HECW2: variants seen among roughly 807,000 people sequenced by gnomAD.
HECW2 encodes the protein HECT, C2 and WW domain containing E3 ubiquitin protein ligase 2, also known as E3 ubiquitin-protein ligase HECW2.
HECW2 carries 61 observed loss-of-function variants against 175.2 expected under a neutral mutation model. That is an observed-to-expected ratio of 0.35 (90% CI 0.28 to 0.43). HECW2 has a LOEUF of 0.43. Ranked by LOEUF, HECW2 falls within the 20% of genes least tolerant of loss-of-function variation. HECW2 has a pLI of 1.00. For synonymous variants in HECW2, 671 were observed against 731.0 expected (o/e 0.92, Z 1.32); for missense variants, 1,524 against 2,000.5 (o/e 0.76, Z 4.54).
intron 1 of HECW2, among the ~76,000 whole-genome samples, chr2:196,562,406 A>G (rs1690033240): frequency 6.6e-6 from 1 of 151,620 alleles, no homozygotes; most frequent in African/African-American, 2.4e-5. Context: ...TTAAAATTTA[A>G]TGATATTCTC....
At chr2:196,550,720 T>C (rs1347870276) in intron 1 of HECW2, among the ~76,000 whole-genome samples, 1 of 152,168 alleles carries the variant, frequency 6.6e-6, no homozygotes, top group Non-Finnish European at 1.5e-5. Context: ...CTTGTGGCAA[T>C]AAATTTTTCC....
At chr2:196,499,372 C>T (rs1687503679) in intron 1 of HECW2, among the ~76,000 whole-genome samples, 1 of 151,400 alleles carries the variant, frequency 6.6e-6, no homozygotes, top group African/African-American at 2.4e-5. Flanking sequence ...TTCTACTGGA[C>T]CTCTGCCAGC....
intron 28 of HECW2, among the ~76,000 whole-genome samples, chr2:196,205,868 T>C (rs1575217375): frequency 6.6e-6 from 1 of 152,222 alleles, no homozygotes; most frequent in Non-Finnish European, 1.5e-5. Flanking sequence ...CAGTGTTTTA[T>C]GTGCTTGCAG....
chr2:196,546,715 G>A (rs1439762401), intron 1 of HECW2, among the ~76,000 whole-genome samples: 1 of 151,932 alleles, frequency 6.6e-6, no homozygotes, highest in Non-Finnish European at 1.5e-5. Context: ...AACCGCATAG[G>A]TGATAAACTG....
At chr2:196,448,826 G>A (rs1696263216) in intron 1 of HECW2, among the ~76,000 whole-genome samples, 2 of 152,182 alleles carry the variant, frequency 1.3e-5, no homozygotes, top group Non-Finnish European at 2.9e-5. Context: ...TAATTAAAGA[G>A]GCCTGAAGGA....
At chr2:196,573,241 T>C (rs2125517109) in intron 1 of HECW2, among the ~76,000 whole-genome samples, 1 of 135,026 alleles carries the variant, frequency 7.4e-6, no homozygotes, top group East Asian at 2.1e-4. Flanking sequence ...GCAATAAGAA[T>C]GCTGACCAAA....
intron 4 of HECW2, among the ~76,000 whole-genome samples, 199 bp downstream of exon 4, chr2:196,334,225 C>A (rs2105802868): frequency 6.6e-6 from 1 of 152,304 alleles, no homozygotes; most frequent in East Asian, 1.9e-4. Context: ...CAAATCAAAT[C>A]CTATGTTTCC....
At position 196,394,091 on chromosome 2, in the gene HECW2, G is replaced by A. The variant is rs1253190037; in HGVS notation, c.292+39041C>T. Among the ~76,000 whole-genome samples the A allele has an allele frequency of 2.0e-5, 3 of 149,644 alleles. No individual in the cohort carries two copies. The Admixed American group carries it at 2.0e-4, about 10-fold the overall frequency. ...ATGTTCTCACTCATAGGTGGGAACT[G>A]AACAATGAGAACACTTGGACACAGG... is the stretch of plus-strand genomic sequence containing the variant. On this transcript the variant is annotated intron_variant, in intron 2 of 28. Transcript: ENST00000644978.
At chr2:196,543,150 A>C (rs989067530) in intron 1 of HECW2, among the ~76,000 whole-genome samples, 2 of 151,088 alleles carry the variant, frequency 1.3e-5, no homozygotes, top group Non-Finnish European at 2.9e-5. Context: ...TCCAGATTCT[A>C]TGTAGTAATC....
At chr2:196,206,769 C>T (rs1260546044) in intron 28 of HECW2, among the ~76,000 whole-genome samples, 7 of 152,158 alleles carry the variant, frequency 4.6e-5, no homozygotes, top group African/African-American at 1.7e-4. Context: ...CTTCCTTTGG[C>T]TCTGCTTGCC....
At chr2:196,222,525 G>T (rs944103944) in intron 23 of HECW2, among the ~76,000 whole-genome samples, 185 bp from the exon 24 acceptor site, 2 of 152,280 alleles carry the variant, frequency 1.3e-5, no homozygotes, top group East Asian at 1.9e-4. Context: ...TCAGAAATTT[G>T]TTATAAAATT....
At chr2:196,547,264 T>C (rs1689456373) in intron 1 of HECW2, among the ~76,000 whole-genome samples, 1 of 152,206 alleles carries the variant, frequency 6.6e-6, no homozygotes, top group Non-Finnish European at 1.5e-5. Context: ...ACCTAGCATG[T>C]TCAGAAGGCT....
At chr2:196,513,027 T>C (rs1055418999) in intron 1 of HECW2, among the ~76,000 whole-genome samples, 4 of 152,138 alleles carry the variant, frequency 2.6e-5, no homozygotes, top group African/African-American at 9.7e-5. Flanking sequence ...GCACAAGACT[T>C]CAGACCAAGA....
At chr2:196,501,810 G>A (rs1444854993) in intron 1 of HECW2, among the ~76,000 whole-genome samples, 1 of 152,098 alleles carries the variant, frequency 6.6e-6, no homozygotes, top group Non-Finnish European at 1.5e-5. Context: ...AAACATGAAT[G>A]GTTATACTTC....
At chr2:196,340,559 G>A (rs1247430057) in intron 3 of HECW2, among the ~76,000 whole-genome samples, 4 of 128,988 alleles carry the variant, frequency 3.1e-5, no homozygotes, top group Non-Finnish European at 4.6e-5. Flanking sequence ...ACACGCCACT[G>A]CAGTCCAGCC....
At chr2:196,216,670 T>C (rs1687486556) in intron 27 of HECW2, among the ~76,000 whole-genome samples, 2 of 152,184 alleles carry the variant, frequency 1.3e-5, no homozygotes, top group Admixed American at 1.3e-4. Context: ...AAATCATTTC[T>C]TTCTGCTGCT....
At chr2:196,300,649 G>A (rs1691009273) in intron 13 of HECW2, among the ~76,000 whole-genome samples, 1 of 152,094 alleles carries the variant, frequency 6.6e-6, no homozygotes, top group African/African-American at 2.4e-5. Context: ...TTATAAGTCA[G>A]GAAGTGTGAT....
intron 21 of HECW2, among the ~76,000 whole-genome samples, chr2:196,233,473 T>C (rs1313811068): frequency 6.6e-6 from 1 of 152,218 alleles, no homozygotes; most frequent in Non-Finnish European, 1.5e-5. Context: ...GAAAGCAGAC[T>C]ATAAAATGAA....
In HECW2 at chr2:196,222,210, C is replaced by T; in HGVS notation, c.4146+1G>A. ...GGCGCCAGGTGTGCAGATACACACA[C>T]CTGCCCAAATACTTCTTCGTTCACA... On this transcript the variant is annotated splice_donor_variant, in intron 24 of 28. Transcript: ENST00000644978. LOFTEE classifies it high-confidence loss of function. The T allele has an allele frequency of 6.2e-7, 1 of 1,612,954 alleles. No individual in the cohort carries two copies. The highest frequency in any genetic ancestry group is 8.5e-7 in the Non-Finnish European group (1 of 1,179,504).
Sources: gnomAD v4.1 joint callset for allele counts (sites outside exome capture counted in the v4.1 genomes callset) on GRCh38, gnomAD v4.1.1 for gene constraint, MANE v1.5 for transcripts, NCBI Gene and HGNC (gene_info 2026-07-23, HGNC 2026-07-21) for gene names.